ADAMTSL1: variants seen among roughly 807,000 people sequenced by gnomAD.
ADAMTSL1 encodes ADAMTS-like protein 1.
A neutral mutation model predicts 201.8 loss-of-function variants in ADAMTSL1; 126 were observed. That is an observed-to-expected ratio of 0.62 (90% CI 0.54 to 0.72). ADAMTSL1 has a LOEUF of 0.72. Ranked by LOEUF, ADAMTSL1 falls within the 30% of genes least tolerant of loss-of-function variation. ADAMTSL1 has a pLI of 0.00. For missense variants in ADAMTSL1, 2,679 were observed against 2,277.8 expected, an observed-to-expected ratio of 1.18 and a Z score of -3.59; for synonymous variants, 1,121 against 903.4, an observed-to-expected ratio of 1.24 and a Z score of -4.32.
At chr9:18,186,291 T>C (rs554857355) in intron 2 of ADAMTSL1, among the ~76,000 whole-genome samples, 135 of 152,300 alleles carry the variant, frequency 8.9e-4, no homozygotes, top group African/African-American at 3.0e-3. Flanking sequence ...GAGTTCTTAT[T>C]TTTAAAAAAG....
chr9:18,657,559 T>C, intron 7 of ADAMTSL1, 80 bp from the exon 8 acceptor site: 2 of 1,032,582 alleles, frequency 1.9e-6, no homozygotes, highest in Admixed American at 3.7e-5. Context: ...AGCACTACCA[T>C]ATACTCTTGT....
At chr9:18,886,166 G>GTATGTGTATATATATATATA (rs55916376) in intron 23 of ADAMTSL1, among the ~76,000 whole-genome samples, 1 of 37,136 alleles carries the variant, frequency 2.7e-5, no homozygotes, top group Non-Finnish European at 4.9e-5. Flanking sequence ...GTGTGTATGT[G>GTATGTGTATATATATATATA]TATATATATA....
intron 5 of ADAMTSL1, among the ~76,000 whole-genome samples, chr9:18,635,502 A>G (rs1827054672): frequency 6.6e-6 from 1 of 152,166 alleles, no homozygotes; most frequent in South Asian, 2.1e-4. Context: ...AGCGCATACC[A>G]ATATATCTTC....
At chr9:18,510,787 T>A (rs1323080571) in intron 2 of ADAMTSL1, among the ~76,000 whole-genome samples, 1 of 152,066 alleles carries the variant, frequency 6.6e-6, no homozygotes, top group Non-Finnish European at 1.5e-5. Flanking sequence ...CTATACCTAC[T>A]GGTGCTTGAT....
At chr9:18,284,285 G>C (rs1832913438) in intron 2 of ADAMTSL1, among the ~76,000 whole-genome samples, 1 of 152,080 alleles carries the variant, frequency 6.6e-6, no homozygotes, top group Non-Finnish European at 1.5e-5. Context: ...AAAAATAGAT[G>C]ATGATACCAC....
Position 18,892,433 on chromosome 9 carries a change from G to A in ADAMTSL1, c.4688G>A (p.Gly1563Glu). 3.1e-6 allele frequency: 5 copies of A among 1,613,608 alleles called. No individual in the cohort carries two copies. The highest frequency in any genetic ancestry group is 2.5e-6 in the Non-Finnish European group (3 of 1,179,800). ...SWSACTRSCG[G>E]GVQTRRVTCQ... ...TCTGCCTGTACCCGGAGCTGTGGGG[G>A]AGGTGTCCAGACCCGCAGGGTGACC... The change falls in exon 26 of 29, where the codon GGA (glycine) becomes GAA (glutamate). Residue 1563 changes from glycine to glutamate, a missense_variant. Transcript: ENST00000380548.
Position 18,910,278 on chromosome 9 carries a change from A to G in ADAMTSL1, c.*1730A>G, listed in dbSNP as rs1830528611. 6.6e-6 allele frequency: 1 copy of G among 152,142 alleles called. No individual in the cohort carries two copies. The highest frequency in any genetic ancestry group is 2.4e-5 in the African/African-American group (1 of 41,376). The allele number at this position is 152,142 out of a possible 1,614,324, so 9.4% of individuals were successfully genotyped here. On this transcript the variant is annotated 3_prime_UTR_variant, in exon 29 of 29. Coordinates refer to ENST00000380548, the MANE Select transcript of ADAMTSL1 (RefSeq NM_001040272.6). ...AATCAGTGTAAAGTCTGTTTAAAATAAAAAAGAATGTTTTCTATGTCTGTA... is the reference window on the plus strand; with the variant it reads ...AATCAGTGTAAAGTCTGTTTAAAATGAAAAAGAATGTTTTCTATGTCTGTA...
chr9:18,640,767 T>C (rs1827387717), intron 7 of ADAMTSL1, among the ~76,000 whole-genome samples: 1 of 151,982 alleles, frequency 6.6e-6, no homozygotes. Flanking sequence ...ATCCAAACTA[T>C]CTCTCAACAT....
At chr9:18,054,190 G>A (rs748207366) in intron 1 of ADAMTSL1, among the ~76,000 whole-genome samples, 2 of 152,114 alleles carry the variant, frequency 1.3e-5, no homozygotes, top group African/African-American at 2.4e-5. Context: ...ACATTTGTAC[G>A]TGTATAAACA....
At chr9:18,705,368 T>G (rs1365981838) in intron 13 of ADAMTSL1, among the ~76,000 whole-genome samples, 2 of 152,356 alleles carry the variant, frequency 1.3e-5, no homozygotes, top group African/African-American at 4.8e-5. Context: ...TTTTTGAAAC[T>G]ATTAGTGGTT....
intron 9 of ADAMTSL1, 82 bp from the exon 10 acceptor site, chr9:18,675,775 A>T: frequency 7.9e-7 from 1 of 1,262,066 alleles, no homozygotes; most frequent in Non-Finnish European, 1.1e-6. Flanking sequence ...TTGTATTAAA[A>T]ATTTGTATAA....
chr9:18,124,082 T>TTTG lies in ADAMTSL1; in HGVS notation c.88-39778_88-39777insGTT, dbSNP rs1258916890. Among the ~76,000 whole-genome samples the TTTG allele has an allele frequency of 7.0e-5, 10 of 142,582 alleles. No homozygotes were observed. The East Asian group carries it at 2.1e-3, about 29-fold the overall frequency. 93.5% of individuals were successfully genotyped at this position (142,582 alleles called of 152,430 possible). A position where few individuals can be genotyped will look rare whatever the true frequency, so the allele number is the denominator to read the frequency against. On this transcript the variant is annotated intron_variant, in intron 1 of 29. Coordinates refer to the ADAMTSL1 transcript ENST00000680146. ...TTTTATGTGCTTATTTGCCAGTTTT[T>TTTG]TTTTTTTTTTTTTTTTTTGAGATGG...
intron 14 of ADAMTSL1, among the ~76,000 whole-genome samples, chr9:18,716,200 C>G (rs1256798329): frequency 6.6e-6 from 1 of 151,964 alleles, no homozygotes; most frequent in Non-Finnish European, 1.5e-5. Flanking sequence ...GTCTAAAACA[C>G]CAAAAGCAAT....
chr9:18,041,936 G>C (rs1821443038), intron 1 of ADAMTSL1, among the ~76,000 whole-genome samples: 2 of 151,990 alleles, frequency 1.3e-5, no homozygotes, highest in Non-Finnish European at 2.9e-5. Flanking sequence ...ATCAACCTGA[G>C]TGTCCTGAAA....
At chr9:18,187,038 A>G (rs540125661) in intron 2 of ADAMTSL1, among the ~76,000 whole-genome samples, 2 of 152,314 alleles carry the variant, frequency 1.3e-5, no homozygotes, top group Admixed American at 1.3e-4. Flanking sequence ...GGAAGTGGTC[A>G]TCTCTTGAGA....
intron 23 of ADAMTSL1, among the ~76,000 whole-genome samples, chr9:18,854,710 A>G (rs2131386309): frequency 6.6e-6 from 1 of 152,284 alleles, no homozygotes; most frequent in Admixed American, 6.5e-5. Flanking sequence ...GGGCTCTAGA[A>G]ATTAACATAA....
intron 1 of ADAMTSL1, among the ~76,000 whole-genome samples, chr9:18,094,540 T>C (rs1215923930): frequency 6.6e-6 from 1 of 152,154 alleles, no homozygotes; most frequent in Non-Finnish European, 1.5e-5. Flanking sequence ...GCCCTCTGAT[T>C]TCTTAAAGAT....
intron 2 of ADAMTSL1, among the ~76,000 whole-genome samples, chr9:18,355,773 A>G (rs1722645850): frequency 6.6e-6 from 1 of 152,196 alleles, no homozygotes; most frequent in South Asian, 2.1e-4. Flanking sequence ...TTGGGAGGCC[A>G]AGGTGGGAGG....
chr9:18,892,077 C>T (rs1829311811), intron 25 of ADAMTSL1, among the ~76,000 whole-genome samples: 1 of 152,226 alleles, frequency 6.6e-6, no homozygotes, highest in Non-Finnish European at 1.5e-5. Flanking sequence ...CCTCCTCCAC[C>T]TCTCTGTATG....
Sources: allele counts gnomAD v4.1 joint callset (sites outside exome capture counted in the v4.1 genomes callset), GRCh38; gene constraint gnomAD v4.1.1; transcripts MANE v1.5; gene names NCBI Gene and HGNC (gene_info 2026-07-23, HGNC 2026-07-21).